Variants in NAALADL2 observed in about 807,000 individuals in gnomAD.
The protein encoded by NAALADL2 is inactive N-acetylated-alpha-linked acidic dipeptidase-like protein 2.
In NAALADL2, 76 loss-of-function variants were observed where a neutral mutation model predicts 87.2. The ratio of observed to expected loss-of-function variants is 0.87; its 90% CI spans 0.72 to 1.05. The LOEUF is 1.05. Among genes scored for constraint, NAALADL2 ranks in the 50% least tolerant of loss-of-function variants. The pLI is 0.00. For synonymous variants in NAALADL2, 354 were observed against 331.0 expected, an observed-to-expected ratio of 1.07 and a Z score of -0.75; for missense variants, 1,089 against 945.8, an observed-to-expected ratio of 1.15 and a Z score of -1.99.
chr3:174,924,409 G>A, intron 1 of NAALADL2, among the ~76,000 whole-genome samples: 1 of 151,962 alleles, frequency 6.6e-6, no homozygotes. Context: ...TTTTATGGCT[G>A]CATAGTATTC....
intron 11 of NAALADL2, among the ~76,000 whole-genome samples, chr3:175,667,963 A>G (rs1733435461): frequency 6.6e-6 from 1 of 152,150 alleles, no homozygotes; most frequent in South Asian, 2.1e-4. Context: ...CTCACTGCAT[A>G]AGGGACCATC....
chr3:175,644,069 T>A (rs61631221), intron 11 of NAALADL2, among the ~76,000 whole-genome samples: 4,259 of 152,200 alleles, frequency 0.028, 201 homozygotes, highest in African/African-American at 0.097. Flanking sequence ...AGTGCCATTA[T>A]GTATGTGTGT....
intron 11 of NAALADL2, among the ~76,000 whole-genome samples, chr3:175,651,384 A>G (rs545287161): frequency 5.3e-5 from 8 of 152,260 alleles, no homozygotes; most frequent in East Asian, 1.9e-4. Context: ...GAATGAACCT[A>G]TAGTATTTAA....
chr3:175,038,101 T>C (rs1397817446), intron 1 of NAALADL2, among the ~76,000 whole-genome samples: 1 of 152,048 alleles, frequency 6.6e-6, no homozygotes, highest in African/African-American at 2.4e-5. Context: ...AGCCTAGATG[T>C]TTTTTTCTTA....
At chr3:174,926,124 G>A (rs553138149) in intron 1 of NAALADL2, among the ~76,000 whole-genome samples, 1 of 152,194 alleles carries the variant, frequency 6.6e-6, no homozygotes, top group Admixed American at 6.5e-5. Context: ...AAGATCAAAT[G>A]AATGAAATGA....
chr3:175,734,473 T>C (rs62286101), intron 11 of NAALADL2, among the ~76,000 whole-genome samples: 36,299 of 151,766 alleles, frequency 0.24, 4,612 homozygotes, highest in African/African-American at 0.31. Flanking sequence ...AGGAGAATGG[T>C]GTGAACTCGG....
intron 11 of NAALADL2, among the ~76,000 whole-genome samples, chr3:175,648,527 T>C (rs1005385788): frequency 1.7e-4 from 25 of 150,790 alleles, no homozygotes; most frequent in Admixed American, 1.6e-3. Context: ...CCTATTTTAA[T>C]GACTGTTGAA....
At chr3:174,714,974 C>A (rs1408460984) in intron 2 of NAALADL2, among the ~76,000 whole-genome samples, 1 of 152,088 alleles carries the variant, frequency 6.6e-6, no homozygotes, top group African/African-American at 2.4e-5. Context: ...TATGTCCCAT[C>A]AATACCTAAT....
intron 6 of NAALADL2, 131 bp from the exon 7 acceptor site, chr3:175,463,270 A>C (rs1296897180): frequency 1.7e-6 from 1 of 582,942 alleles, no homozygotes; most frequent in African/African-American, 1.9e-5. Flanking sequence ...GAAAAAGTAT[A>C]ACTGGCTATC....
intron 13 of NAALADL2, among the ~76,000 whole-genome samples, chr3:175,783,696 C>T (rs886625211): frequency 6.6e-6 from 1 of 151,462 alleles, no homozygotes; most frequent in Admixed American, 6.6e-5. Flanking sequence ...CCCTTTATTT[C>T]CTTCTCCTGC....
intron 12 of NAALADL2, among the ~76,000 whole-genome samples, chr3:175,747,207 G>C (rs1161309228): frequency 1.3e-5 from 2 of 152,064 alleles, no homozygotes; most frequent in African/African-American, 2.4e-5. Flanking sequence ...TAAGCACATT[G>C]TTCCTTTTTT....
At chr3:175,178,669 C>T (rs1359987390) in intron 2 of NAALADL2, among the ~76,000 whole-genome samples, 1 of 152,022 alleles carries the variant, frequency 6.6e-6, no homozygotes, top group Non-Finnish European at 1.5e-5. Context: ...TGCATCCCCG[C>T]AGTACCTGAT....
intron 2 of NAALADL2, among the ~76,000 whole-genome samples, chr3:174,703,534 T>A (rs1729760776): frequency 6.6e-6 from 1 of 152,058 alleles, no homozygotes; most frequent in African/African-American, 2.4e-5. Context: ...AATAAGTGGG[T>A]CGTCATCTTA....
chr3:175,330,039 T>G (rs1198384506), intron 5 of NAALADL2, among the ~76,000 whole-genome samples: 2 of 152,078 alleles, frequency 1.3e-5, no homozygotes, highest in Non-Finnish European at 2.9e-5. Flanking sequence ...GTACTTGTAT[T>G]GGAAGCACTC....
At chr3:175,465,274 A>G (rs1723816848) in intron 7 of NAALADL2, among the ~76,000 whole-genome samples, 1 of 150,228 alleles carries the variant, frequency 6.7e-6, no homozygotes, top group African/African-American at 2.5e-5. Context: ...AAAAAAGACT[A>G]TTTACATAAC....
In NAALADL2 at chr3:175,335,501, A is replaced by G. The variant is rs528860665; in HGVS notation, c.1090+11176A>G. ...AGACTCTAAGAACCACATGTTAGGT[A>G]TGCTTCATGAATTCTTTTATGGTTT... On this transcript the variant is annotated intron_variant, in intron 5 of 13. Transcript: ENST00000454872. Among the ~76,000 whole-genome samples the G allele has an allele frequency of 5.9e-4, 90 of 152,350 alleles. 2 individuals are homozygous for G. In the South Asian group the frequency reaches 0.014, roughly 24 times the overall value.
chr3:174,662,280 TTGAAG>T (rs1444083889), intron 2 of NAALADL2, among the ~76,000 whole-genome samples: 5 of 152,172 alleles, frequency 3.3e-5, no homozygotes, highest in African/African-American at 1.2e-4. Context: ...TTATTACAAC[TTGAAG>T]TGGAGAGTAT....
intron 2 of NAALADL2, among the ~76,000 whole-genome samples, chr3:175,128,297 T>C (rs1000488460): frequency 4.6e-5 from 7 of 152,200 alleles, no homozygotes; most frequent in African/African-American, 1.7e-4. Context: ...GAAAGAAAAA[T>C]GTAAGGTAAA....
rs138943355 is a variant in NAALADL2 at position 174,628,762 on chromosome 3, C to T, written c.-115+78125C>T. The stretch of plus-strand genomic sequence containing the variant: ...TGCATTATATACAACTGTTAATACT[C>T]GTATCTCTCTGTTCTCATTCAGTGA... On this transcript the variant is annotated intron_variant, in intron 2 of 3. Transcript: ENST00000434257. Among the ~76,000 whole-genome samples, 92 of 152,226 alleles carry T rather than the reference C, an allele frequency of 6.0e-4. 2 individuals are homozygous for T. The East Asian group carries it at 0.015, about 24-fold the overall frequency.
Sources: gnomAD v4.1 joint callset for allele counts (sites outside exome capture counted in the v4.1 genomes callset) on GRCh38, gnomAD v4.1.1 for gene constraint, MANE v1.5 for transcripts, NCBI Gene and HGNC (gene_info 2026-07-23, HGNC 2026-07-21) for gene names.